The following FAM13B variants were observed in gnomAD, a reference collection of about 807,000 sequenced individuals.
FAM13B encodes the protein protein FAM13B.
FAM13B carries 60 observed loss-of-function variants against 117.3 expected under a neutral mutation model. The observed-to-expected ratio is 0.51, with a 90% CI of 0.42 to 0.63. The LOEUF (loss-of-function observed/expected upper bound fraction) is 0.63. Ranked by LOEUF, FAM13B falls within the 30% of genes least tolerant of loss-of-function variation. The pLI is 0.00. For missense variants in FAM13B, 972 were observed against 1,091.9 expected (o/e 0.89, Z 1.55); for synonymous variants, 332 against 356.1 (o/e 0.93, Z 0.76).
rs1761166355 is a variant in FAM13B, at chr5:137,940,014, T to A, written c.*211A>T. On this transcript the variant is annotated 3_prime_UTR_variant, in exon 24 of 24. Coordinates refer to ENST00000689681, the MANE Select transcript of FAM13B (RefSeq NM_001385994.1). Reference sequence around the variant, plus strand: ...TGTTTGCTAAAGGTGGAGAGGACAGTCTGTGGTTAATATGGAACATCACTT... The same window carrying A: ...TGTTTGCTAAAGGTGGAGAGGACAGACTGTGGTTAATATGGAACATCACTT... 1.2e-6 allele frequency: 2 copies of A among 1,608,928 alleles called. No individual in the cohort carries two copies. The highest frequency in any genetic ancestry group is 1.3e-5 in the African/African-American group (1 of 74,886).
chr5:138,023,669 C>T (rs561130279), intron 1 of FAM13B, among the ~76,000 whole-genome samples: 1 of 152,222 alleles, frequency 6.6e-6, no homozygotes, highest in Admixed American at 6.5e-5. Flanking sequence ...CCCAGACCTA[C>T]GTGATCCTCC....
In FAM13B at chr5:137,956,550, A is replaced by C. The variant is rs775629052; in HGVS notation, c.1442-8T>G. 1.9e-6 allele frequency: 3 copies of C among 1,577,794 alleles called. No individual in the cohort carries two copies. In the Admixed American group the frequency reaches 5.4e-5, roughly 29 times the overall value. ...AAGTGATAGGGCATGACGCTAATAAAATGGAAAAAATGGCAAAAAATACTA... is the reference window on the plus strand; with the variant it reads ...AAGTGATAGGGCATGACGCTAATAACATGGAAAAAATGGCAAAAAATACTA... On this transcript the variant is annotated splice_polypyrimidine_tract_variant and splice_region_variant and intron_variant, in intron 13 of 23. Coordinates refer to ENST00000689681, the MANE Select transcript of FAM13B (RefSeq NM_001385994.1).
At chr5:137,994,519 T>G (rs1192959393) in intron 7 of FAM13B, among the ~76,000 whole-genome samples, 1 of 152,230 alleles carries the variant, frequency 6.6e-6, no homozygotes, top group African/African-American at 2.4e-5. Context: ...CATCTGCAGC[T>G]AAAATATATA....
intron 10 of FAM13B, among the ~76,000 whole-genome samples, chr5:137,972,874 T>G (rs1772680641): frequency 6.6e-6 from 1 of 151,748 alleles, no homozygotes; most frequent in Non-Finnish European, 1.5e-5. Context: ...TCAAAGAGAA[T>G]AAAATACCTA....
intron 9 of FAM13B, 142 bp downstream of exon 9, chr5:137,987,319 A>C (rs1173140596): frequency 1.6e-6 from 1 of 644,204 alleles, no homozygotes; most frequent in Non-Finnish European, 2.6e-6. Context: ...ATGTATATAC[A>C]AGTATATATA....
chr5:137,988,354 ATACT>A, intron 7 of FAM13B, 39 bp from the exon 8 acceptor site: 1 of 1,512,784 alleles, frequency 6.6e-7, no homozygotes, highest in Non-Finnish European at 8.9e-7. Flanking sequence ...AAAATGTTCA[ATACT>A]TAATAACTAC....
chr5:138,005,421 AAAT>A (rs1782292605), intron 7 of FAM13B, among the ~76,000 whole-genome samples: 1 of 150,684 alleles, frequency 6.6e-6, no homozygotes, highest in Admixed American at 6.7e-5. Flanking sequence ...AAATGTATCC[AAAT>A]AATTTAGAAG....
chr5:137,946,789 TGCATGC>T (rs1763569727), intron 18 of FAM13B, among the ~76,000 whole-genome samples: 1 of 152,234 alleles, frequency 6.6e-6, no homozygotes, highest in Non-Finnish European at 1.5e-5. Context: ...TGAGTGGGCA[TGCATGC>T]GCATGTGCAT....
intron 20 of FAM13B, among the ~76,000 whole-genome samples, chr5:137,944,221 G>C (rs1033162104): frequency 2.0e-5 from 3 of 152,128 alleles, no homozygotes; most frequent in Non-Finnish European, 4.4e-5. Flanking sequence ...TGGCTGAAGA[G>C]TATTTTGAGT....
intron 22 of FAM13B, 24 bp from the exon 23 acceptor site, chr5:137,942,069 T>C: frequency 6.4e-7 from 1 of 1,555,818 alleles, no homozygotes; most frequent in East Asian, 2.2e-5. Flanking sequence ...GGTAAAATAC[T>C]GAAGGGCACA....
intron 4 of FAM13B, among the ~76,000 whole-genome samples, chr5:138,016,719 G>A (rs1269700918): frequency 1.2e-4 from 19 of 152,152 alleles, no homozygotes; most frequent in Non-Finnish European, 2.8e-4. Flanking sequence ...TTCTACCAGT[G>A]AGTCAATGAC....
At position 137,940,086 on chromosome 5, in the gene FAM13B, T is replaced by C. The variant is rs1328077334; in HGVS notation, c.*139A>G. 6.2e-7 allele frequency: 1 copy of C among 1,614,124 alleles called. No homozygotes were observed. The highest frequency in any genetic ancestry group is 1.7e-5 in the Admixed American group (1 of 60,010). On this transcript the variant is annotated 3_prime_UTR_variant, in exon 24 of 24. Transcript: ENST00000689681. ...CTTACTCTCCCATCATTTGTTTTGT[T>C]TAGTGGCACCACAACCAAGTACAAA...
chr5:137,985,366 A>G lies in FAM13B; in HGVS notation c.1070T>C (p.Ile357Thr). The change falls in exon 10 of 24, where the codon ATT becomes ACT. Residue 357 changes from isoleucine (I) to threonine (T), a missense_variant. Physicochemically the swap from Ile to Thr is moderately conservative, Grantham distance 89 (BLOSUM62 -1). Coordinates refer to ENST00000689681, the MANE Select transcript of FAM13B (RefSeq NM_001385994.1). ...GTCTCTGTTACTTTCACTGGCATTA[A>G]TAATATCATCAGCAATATCAATCCT... ...NNQIDIADDI[I>T]NASESNRDCS... 2 of 1,613,882 alleles carry G rather than the reference A, an allele frequency of 1.2e-6. No individual in the cohort carries two copies. The highest frequency in any genetic ancestry group is 1.7e-6 in the Non-Finnish European group (2 of 1,179,938).
At chr5:137,976,815 T>G (rs1203589346) in intron 10 of FAM13B, among the ~76,000 whole-genome samples, 2 of 152,182 alleles carry the variant, frequency 1.3e-5, no homozygotes, top group African/African-American at 4.8e-5. Context: ...GGAGGATGTA[T>G]TTCGCCTCAG....
chr5:137,953,514 CTG>C (rs1765610135), intron 15 of FAM13B, 49 bp from the exon 16 acceptor site: 1 of 1,592,290 alleles, frequency 6.3e-7, no homozygotes, highest in Non-Finnish European at 8.6e-7. Flanking sequence ...AGTACCAACA[CTG>C]TATCTCTTAT....
At chr5:137,974,165 T>C (rs1387969796) in intron 10 of FAM13B, among the ~76,000 whole-genome samples, 305 of 150,818 alleles carry the variant, frequency 2.0e-3, no homozygotes, top group Middle Eastern at 6.8e-3. Flanking sequence ...CGTATGTTTA[T>C]TGCAGCATTA....
At chr5:137,983,483 G>A (rs893747595) in intron 10 of FAM13B, among the ~76,000 whole-genome samples, 2 of 152,136 alleles carry the variant, frequency 1.3e-5, no homozygotes, top group African/African-American at 4.8e-5. Context: ...AGAAATCAGG[G>A]TGTATGTGCT....
At chr5:138,038,630 C>T (rs1422786491) in intron 1 of FAM13B, 1 of 152,180 alleles carries the variant, frequency 6.6e-6, no homozygotes, top group Non-Finnish European at 1.5e-5. Context: ...TGCCACTTTG[C>T]CCAGGACCAT....
intron 7 of FAM13B, among the ~76,000 whole-genome samples, chr5:137,997,379 G>C (rs1218605922): frequency 1.3e-5 from 2 of 152,128 alleles, no homozygotes; most frequent in South Asian, 2.1e-4. Context: ...TGAGGCAGGA[G>C]AATCACTTGA....
Sources: gnomAD v4.1 joint callset for allele counts (sites outside exome capture counted in the v4.1 genomes callset) on GRCh38, gnomAD v4.1.1 for gene constraint, MANE v1.5 for transcripts, NCBI Gene and HGNC (gene_info 2026-07-23, HGNC 2026-07-21) for gene names.